Variants in SOX6 observed in about 807,000 individuals in gnomAD.
SOX6 encodes transcription factor SOX-6.
Under a neutral mutation model 97.8 loss-of-function variants are expected in SOX6, and 11 were observed. The observed-to-expected ratio is 0.11, with a 90% confidence interval of 0.07 to 0.19. The LOEUF (loss-of-function observed/expected upper bound fraction) is 0.19. SOX6 is among the 10% of genes least tolerant of loss of function. The probability of loss-of-function intolerance (pLI) is 1.00; values close to 1 mark genes in which losing one functional copy is unlikely to be tolerated. For missense variants in SOX6, 810 were observed against 1,039.5 expected, an observed-to-expected ratio of 0.78 and a Z score of 3.04; for synonymous variants, 360 against 371.4, an observed-to-expected ratio of 0.97 and a Z score of 0.35.
chr11:16,263,403 T>A (rs573370508), intron 3 of SOX6, among the ~76,000 whole-genome samples: 1 of 152,016 alleles, frequency 6.6e-6, no homozygotes, highest in Non-Finnish European at 1.5e-5. Flanking sequence ...CAATTTGTAC[T>A]ATAGAAAGTG....
At chr11:16,640,005 C>T (rs1443735066) in intron 3 of SOX6, among the ~76,000 whole-genome samples, 1 of 152,158 alleles carries the variant, frequency 6.6e-6, no homozygotes, top group Non-Finnish European at 1.5e-5. Context: ...AAAGGGAATG[C>T]TTCCAGTTTT....
chr11:16,515,892 G>A (rs1293691450), intron 4 of SOX6, among the ~76,000 whole-genome samples: 1 of 136,176 alleles, frequency 7.3e-6, no homozygotes, highest in Admixed American at 8.2e-5. Context: ...GCTCTGTTCT[G>A]TTCCATTGAT....
chr11:16,238,390 A>T lies in SOX6; in HGVS notation c.446-3719T>A, dbSNP rs1376954783. ...TTACAAAGCAATGTTTCTGCTTCCT[A>T]AGTACTTAGGTTTCGGGCCAGGTAA... On this transcript the variant is annotated intron_variant, in intron 3 of 15. Transcript: ENST00000683767. Among the ~76,000 whole-genome samples the T allele has an allele frequency of 2.0e-5, 3 of 152,188 alleles. No homozygotes were observed. In the East Asian group the frequency reaches 5.8e-4, roughly 29 times the overall value.
chr11:16,018,362 A>G (rs1443498125), intron 12 of SOX6, among the ~76,000 whole-genome samples: 2 of 152,074 alleles, frequency 1.3e-5, no homozygotes. Context: ...CCTCCCTACC[A>G]TGGCAAGATT....
At chr11:16,571,868 G>A (rs1378596298) in intron 4 of SOX6, among the ~76,000 whole-genome samples, 1 of 152,170 alleles carries the variant, frequency 6.6e-6, no homozygotes, top group Non-Finnish European at 1.5e-5. Flanking sequence ...GGCCAGGCTG[G>A]TCTCAAACTC....
chr11:16,548,920 T>G (rs562464465), intron 4 of SOX6, among the ~76,000 whole-genome samples: 15 of 152,020 alleles, frequency 9.9e-5, no homozygotes, highest in Admixed American at 3.9e-4. Flanking sequence ...TCAAAAAAAA[T>G]GAAATCACAA....
At chr11:16,228,215 T>C (rs1034945999) in intron 4 of SOX6, among the ~76,000 whole-genome samples, 22 of 136,882 alleles carry the variant, frequency 1.6e-4, no homozygotes, top group African/African-American at 6.0e-4. Context: ...AAAAAAAAAA[T>C]GAGACCCCAA....
chr11:16,481,664 C>A (rs1461502022), intron 4 of SOX6, among the ~76,000 whole-genome samples: 1 of 152,014 alleles, frequency 6.6e-6, no homozygotes, highest in Non-Finnish European at 1.5e-5. Context: ...GGCTAGGAAA[C>A]TTTATGGAAA....
chr11:16,461,781 TC>T (rs1859934235), intron 1 of SOX6, among the ~76,000 whole-genome samples: 1 of 152,202 alleles, frequency 6.6e-6, no homozygotes, highest in Admixed American at 6.6e-5. Flanking sequence ...CATAGGAAAT[TC>T]CATCTCCTCT....
At chr11:16,148,283 C>T (rs576692136) in intron 6 of SOX6, among the ~76,000 whole-genome samples, 3 of 152,254 alleles carry the variant, frequency 2.0e-5, no homozygotes, top group African/African-American at 7.2e-5. Context: ...TGTATACTCT[C>T]TTCTTCCTGT....
intron 15 of SOX6, among the ~76,000 whole-genome samples, chr11:15,982,715 G>A (rs1029400552): frequency 3.9e-5 from 6 of 152,022 alleles, no homozygotes; most frequent in African/African-American, 9.7e-5. Context: ...TGCAACCACT[G>A]TAGACCTAAC....
intron 13 of SOX6, among the ~76,000 whole-genome samples, chr11:16,000,227 G>C (rs557762017): frequency 1.3e-5 from 2 of 152,328 alleles, no homozygotes; most frequent in East Asian, 3.9e-4. Flanking sequence ...GGCTATCCTA[G>C]TGGTTTGTTT....
chr11:16,049,114 C>G (rs1847617076), intron 11 of SOX6, among the ~76,000 whole-genome samples: 2 of 152,034 alleles, frequency 1.3e-5, no homozygotes, highest in African/African-American at 2.4e-5. Flanking sequence ...TATTAAATAA[C>G]TTTCTTGGGG....
At chr11:16,664,436 C>T (rs1432685112) in intron 3 of SOX6, among the ~76,000 whole-genome samples, 2 of 152,146 alleles carry the variant, frequency 1.3e-5, no homozygotes, top group Non-Finnish European at 2.9e-5. Context: ...CAGTGCTGCC[C>T]TGTCACAGCA....
intron 3 of SOX6, chr11:16,317,959 T>C (rs1250971234): frequency 6.6e-6 from 3 of 453,266 alleles, no homozygotes; most frequent in Admixed American, 4.7e-5. Context: ...GTCACTCATA[T>C]ACTTTCAGTT....
intron 1 of SOX6, among the ~76,000 whole-genome samples, chr11:16,370,469 A>C (rs1315495221): frequency 2.6e-5 from 4 of 152,140 alleles, no homozygotes; most frequent in Non-Finnish European, 5.9e-5. Context: ...TTGTTATATT[A>C]TCTTAACCAA....
At chr11:15,978,915 C>T (rs1275296706) in intron 15 of SOX6, among the ~76,000 whole-genome samples, 1 of 129,654 alleles carries the variant, frequency 7.7e-6, no homozygotes, top group African/African-American at 2.8e-5. Context: ...TATATATAAG[C>T]ATTATATATT....
chr11:16,665,825 C>G (rs904192059), intron 3 of SOX6, among the ~76,000 whole-genome samples: 2 of 152,122 alleles, frequency 1.3e-5, no homozygotes, highest in Non-Finnish European at 2.9e-5. Context: ...TGCCCCAAAT[C>G]CAAGCAGCTC....
intron 4 of SOX6, among the ~76,000 whole-genome samples, chr11:16,586,779 T>A (rs1249007096): frequency 2.0e-5 from 3 of 152,164 alleles, no homozygotes; most frequent in Non-Finnish European, 4.4e-5. Flanking sequence ...ATTACCTAAC[T>A]GGTCCAAAGG....
Sources: allele counts gnomAD v4.1 joint callset (sites outside exome capture counted in the v4.1 genomes callset), GRCh38; gene constraint gnomAD v4.1.1; transcripts MANE v1.5; gene names NCBI Gene and HGNC (gene_info 2026-07-23, HGNC 2026-07-21).